The following DGKI variants were observed in gnomAD, a reference collection of about 807,000 sequenced individuals.
DGKI encodes the protein diacylglycerol kinase iota, also known as DAG kinase iota.
Under a neutral mutation model 147.5 loss-of-function variants are expected in DGKI, and 55 were observed. The observed-to-expected ratio is 0.37, with a 90% confidence interval of 0.30 to 0.47. The LOEUF (loss-of-function observed/expected upper bound fraction) is 0.47, where lower values mean the gene tolerates loss of function less well. Among genes scored for constraint, DGKI ranks in the 20% least tolerant of loss-of-function variants. DGKI has a pLI of 1.00. For synonymous variants in DGKI, 469 were observed against 477.1 expected, an observed-to-expected ratio of 0.98 and a Z score of 0.22; for missense variants, 1,007 against 1,323.8, an observed-to-expected ratio of 0.76 and a Z score of 3.71.
chr7:137,521,076 CT>C (rs1298932419), intron 21 of DGKI, among the ~76,000 whole-genome samples: 10 of 151,974 alleles, frequency 6.6e-5, no homozygotes, highest in African/African-American at 2.4e-4. Flanking sequence ...TTGCAGTTGA[CT>C]ATTGGCCCCC....
chr7:137,819,094 C>T (rs578005862), intron 1 of DGKI, among the ~76,000 whole-genome samples: 3 of 152,234 alleles, frequency 2.0e-5, no homozygotes, highest in South Asian at 4.1e-4. Context: ...CGATCAAAGG[C>T]TGAAACAAGA....
At chr7:137,818,044 T>A (rs1052499502) in intron 1 of DGKI, among the ~76,000 whole-genome samples, 1 of 152,186 alleles carries the variant, frequency 6.6e-6, no homozygotes, top group African/African-American at 2.4e-5. Context: ...ATGAGAATCA[T>A]ATAGAAACCG....
At chr7:137,760,577 C>G (rs1024895267) in intron 1 of DGKI, among the ~76,000 whole-genome samples, 42 of 152,114 alleles carry the variant, frequency 2.8e-4, no homozygotes, top group African/African-American at 9.7e-4. Context: ...TGGAAAAGCA[C>G]CACTCATGAC....
chr7:137,484,117 C>T (rs1405208398), intron 23 of DGKI, among the ~76,000 whole-genome samples: 1 of 151,996 alleles, frequency 6.6e-6, no homozygotes, highest in Non-Finnish European at 1.5e-5. Flanking sequence ...GAAGAAAGAA[C>T]TCTGGAAGTG....
intron 1 of DGKI, among the ~76,000 whole-genome samples, chr7:137,823,140 T>C (rs1305704060): frequency 6.6e-6 from 1 of 151,304 alleles, no homozygotes; most frequent in South Asian, 2.1e-4. Flanking sequence ...CCAAAACCCA[T>C]GAATATATGT....
chr7:137,520,159 T>C (rs1816913290), intron 21 of DGKI, among the ~76,000 whole-genome samples: 1 of 152,118 alleles, frequency 6.6e-6, no homozygotes, highest in Admixed American at 6.6e-5. Context: ...AATTGAAAGC[T>C]ATAAATAAGC....
Position 137,562,116 on chromosome 7 carries a change from G to A in DGKI, c.1947+9059C>T, listed in dbSNP as rs984951690. Among the ~76,000 whole-genome samples, 13 of 152,200 alleles carry A rather than the reference G, an allele frequency of 8.5e-5. 1 individual carries two copies. The highest frequency in any genetic ancestry group is 1.9e-4 in the African/African-American group (8 of 41,456). ...TAGCACTGGAAAGGGAGACAGGTGG[G>A]TAACAAAGGACTTTCTATTTGTCTT... On this transcript the variant is annotated intron_variant, in intron 19 of 32. Transcript: ENST00000614521.
Position 137,660,271 on chromosome 7 carries a change from A to T in DGKI, c.607-3731T>A, listed in dbSNP as rs60875906. Among the ~76,000 whole-genome samples the T allele has an allele frequency of 4.5e-3, 693 of 152,330 alleles. 5 individuals carry two copies. The highest frequency in any genetic ancestry group is 0.016 in the African/African-American group (654 of 41,576). On this transcript the variant is annotated intron_variant, in intron 3 of 32. Coordinates refer to ENST00000614521, the MANE Select transcript of DGKI (RefSeq NM_001321708.2). ...TTTAAACTAAGACAATATGGAATAC[A>T]GTATAGATCACAGTCCATTATATTA...
At chr7:137,834,120 T>G (rs1446197814) in intron 1 of DGKI, among the ~76,000 whole-genome samples, 5 of 152,184 alleles carry the variant, frequency 3.3e-5, no homozygotes, top group Non-Finnish European at 7.3e-5. Flanking sequence ...TGTAAAGCAC[T>G]TCACAGTTCT....
intron 1 of DGKI, among the ~76,000 whole-genome samples, chr7:137,841,267 T>C (rs570446884): frequency 6.6e-6 from 1 of 152,262 alleles, no homozygotes. Context: ...GGAAGCATTA[T>C]GGGCAAACAG....
At position 137,722,714 on chromosome 7, in the gene DGKI, C is replaced by T. The variant is rs114719413; in HGVS notation, c.402-32712G>A. 1,887 of 1,579,808 alleles carry T rather than the reference C, an allele frequency of 1.2e-3. 15 individuals are homozygous for T. The African/African-American group carries it at 0.022, about 18-fold the overall frequency. ...ACAGAAAAAGAGAAATATGAGATTA[C>T]GGAGCAGTGCAAGATTGAGCAGAAA... On this transcript the variant is annotated intron_variant, in intron 1 of 32. Transcript: ENST00000614521.
At position 137,846,369 on chromosome 7, in the gene DGKI, G is replaced by T. The variant is rs1798729507; in HGVS notation, c.401+93C>A. On this transcript the variant is annotated intron_variant, in intron 1 of 32. Coordinates refer to ENST00000614521, the MANE Select transcript of DGKI (RefSeq NM_001321708.2). This position sits in a 1 kb window ranked among gnomAD's most constrained non-coding sequence, Gnocchi z 4.0. Reference sequence around the variant, plus strand: ...GAAGGAGAGGCGTGGAAACAGAGAGGTGCCCAACTCCGCGGAAGCGCCCCT... The same window carrying T: ...GAAGGAGAGGCGTGGAAACAGAGAGTTGCCCAACTCCGCGGAAGCGCCCCT... 6.3e-6 allele frequency: 5 copies of T among 799,112 alleles called. No homozygotes were observed. Among genetic ancestry groups the T allele is most frequent in the Non-Finnish European group, 7.4e-6 (4 of 537,702 alleles). The allele number at this position is 799,112 out of a possible 1,614,324, so 49.5% of individuals were successfully genotyped here.
At chr7:137,619,213 C>A (rs907876804) in intron 8 of DGKI, among the ~76,000 whole-genome samples, 10 of 152,288 alleles carry the variant, frequency 6.6e-5, no homozygotes, top group Admixed American at 6.5e-4. Flanking sequence ...GTCAAGAAAC[C>A]ACTAAGGTTT....
chr7:137,446,556 T>C (rs2128918550), intron 27 of DGKI, among the ~76,000 whole-genome samples: 1 of 152,192 alleles, frequency 6.6e-6, no homozygotes, highest in South Asian at 2.1e-4. Context: ...TGAAACCCCG[T>C]CTCTACTGAA....
intron 15 of DGKI, among the ~76,000 whole-genome samples, chr7:137,579,822 CTAAT>C (rs1184276529): frequency 6.6e-6 from 1 of 152,138 alleles, no homozygotes; most frequent in African/African-American, 2.4e-5. Context: ...ACATCTTTAA[CTAAT>C]TGTTTTATAA....
chr7:137,653,141 T>TGTGCGCGCGC (rs1263387668), intron 5 of DGKI, among the ~76,000 whole-genome samples: 1 of 152,206 alleles, frequency 6.6e-6, no homozygotes, highest in African/African-American at 2.4e-5. Flanking sequence ...TGTGTGTGTG[T>TGTGCGCGCGC]GTGCGCGCGC....
At position 137,683,103 on chromosome 7, in the gene DGKI, C is replaced by T. The variant is rs570603191; in HGVS notation, c.511-4451G>A. On this transcript the variant is annotated intron_variant, in intron 2 of 32. Transcript: ENST00000614521. ...AATATACCCCCAATTACTTACTATACGCTGGACAGTGCATCTAATTTCGGA... is the reference window on the plus strand; with the variant it reads ...AATATACCCCCAATTACTTACTATATGCTGGACAGTGCATCTAATTTCGGA... 1.1e-4 allele frequency among the ~76,000 whole-genome samples: 16 copies of T among 152,130 alleles called. No individual in the cohort carries two copies. The South Asian group carries it at 1.7e-3, about 16-fold the overall frequency.
intron 1 of DGKI, among the ~76,000 whole-genome samples, chr7:137,760,167 C>T (rs748437219): frequency 2.6e-5 from 4 of 152,118 alleles, no homozygotes; most frequent in Non-Finnish European, 4.4e-5. Flanking sequence ...GGGCCCTCTC[C>T]TTTCTTTCCC....
In DGKI at chr7:137,546,076, G is replaced by A; in HGVS notation, c.2147+6293C>T. On this transcript the variant is annotated intron_variant, in intron 20 of 32. Coordinates refer to ENST00000614521, the MANE Select transcript of DGKI (RefSeq NM_001321708.2). ...CACAAAATTTAAACAGAAATTAAAT[G>A]AGCGCATCACCGAACAGCGAAGGAA... 8.3e-6 allele frequency: 5 copies of A among 601,938 alleles called. No individual in the cohort carries two copies. The East Asian group carries it at 8.7e-5, about 10-fold the overall frequency. The allele number at this position is 601,938 out of a possible 1,614,324, so 37.3% of individuals were successfully genotyped here.
Sources: allele counts gnomAD v4.1 joint callset (sites outside exome capture counted in the v4.1 genomes callset), GRCh38; gene constraint gnomAD v4.1.1; non-coding constraint Gnocchi (gnomAD v3.1); transcripts MANE v1.5; gene names NCBI Gene and HGNC (gene_info 2026-07-23, HGNC 2026-07-21).